Variants in VPS13D observed in about 807,000 individuals in gnomAD.
VPS13D encodes the protein intermembrane lipid transfer protein VPS13D.
VPS13D carries 187 observed loss-of-function variants against 461.9 expected under a neutral mutation model. The ratio of observed to expected loss-of-function variants is 0.40; its 90% CI spans 0.36 to 0.46. The LOEUF (loss-of-function observed/expected upper bound fraction) is 0.46. VPS13D is among the 20% of genes least tolerant of loss of function. The pLI is 0.60. For synonymous variants in VPS13D, 1,951 were observed against 1,986.3 expected, an observed-to-expected ratio of 0.98 and a Z score of 0.47; for missense variants, 4,711 against 5,364.9, an observed-to-expected ratio of 0.88 and a Z score of 3.81.
In VPS13D at chr1:12,278,126, A is replaced by G. The variant is rs1026566358; in HGVS notation, c.4450+88A>G. On this transcript the variant is annotated intron_variant, in intron 19 of 69. Transcript: ENST00000620676. ...CTTTGCGTAAAACAGCAACAATAAA[A>G]TCCTTTTCTTTTAGAATAATCCTCA... The G allele has an allele frequency of 3.0e-6, 4 of 1,354,334 alleles. No homozygotes were observed. In the African/African-American group the frequency reaches 4.4e-5, roughly 15 times the overall value. The allele number at this position is 1,354,334 out of a possible 1,614,324, so 83.9% of individuals were successfully genotyped here. A position where few individuals can be genotyped will look rare whatever the true frequency, so the allele number is the denominator to read the frequency against.
chr1:12,312,350 C>G (rs1642776412), intron 29 of VPS13D, among the ~76,000 whole-genome samples: 1 of 152,140 alleles, frequency 6.6e-6, no homozygotes, highest in African/African-American at 2.4e-5. Flanking sequence ...AAATATGGTC[C>G]CACACAGGGT....
intron 39 of VPS13D, chr1:12,337,206 C>T (rs1326202878): frequency 6.6e-6 from 1 of 152,046 alleles, no homozygotes; most frequent in East Asian, 1.9e-4. Context: ...TGTAATCTAT[C>T]TTTTTAATAA....
At chr1:12,464,609 C>G (rs1645456200) in intron 67 of VPS13D, among the ~76,000 whole-genome samples, 1 of 151,890 alleles carries the variant, frequency 6.6e-6, no homozygotes, top group Non-Finnish European at 1.5e-5. Context: ...AAAATACTTC[C>G]AAGTTCCTCT....
rs1237523028 is a variant in VPS13D, at chr1:12,321,808, G to A, written c.7549-1G>A. The A allele has an allele frequency of 6.3e-7, 1 of 1,599,188 alleles. No homozygotes were observed. The highest frequency in any genetic ancestry group is 8.5e-7 in the Non-Finnish European group (1 of 1,175,644). ...TCGCCATATTGCATTTCATTCTGTA[G>A]GTGTTTTCATGCCGACTAGGGAATG... is the stretch of plus-strand genomic sequence containing the variant. On this transcript the variant is annotated splice_acceptor_variant, in intron 32 of 69. Coordinates refer to ENST00000620676, the MANE Select transcript of VPS13D (RefSeq NM_015378.4). LOFTEE classifies it high-confidence loss of function.
intron 67 of VPS13D, among the ~76,000 whole-genome samples, chr1:12,479,161 C>G (rs772709460): frequency 6.6e-6 from 1 of 152,206 alleles, no homozygotes; most frequent in Non-Finnish European, 1.5e-5. Context: ...TGGGTTCTTA[C>G]AGTGGGCACT....
Position 12,278,053 on chromosome 1 carries a change from T to G in VPS13D, c.4450+15T>G. On this transcript the variant is annotated intron_variant, in intron 19 of 69. Coordinates refer to ENST00000620676, the MANE Select transcript of VPS13D (RefSeq NM_015378.4). ...TAGAGGTCAAGGTGAGGAGCATCAG[T>G]CTTTTGTTCTATTTTGTTTAATGAT... is the stretch of plus-strand genomic sequence containing the variant. 1 of 1,588,274 alleles carries G rather than the reference T, an allele frequency of 6.3e-7. No individual in the cohort carries two copies. The highest frequency in any genetic ancestry group is 8.6e-7 in the Non-Finnish European group (1 of 1,168,692).
chr1:12,295,602 A>C (rs1642253771), intron 24 of VPS13D, among the ~76,000 whole-genome samples: 1 of 152,142 alleles, frequency 6.6e-6, no homozygotes. Context: ...TTTTCTATAC[A>C]TTTTTCTCTG....
intron 27 of VPS13D, among the ~76,000 whole-genome samples, chr1:12,310,806 TC>T (rs1642718917): frequency 1.2e-5 from 1 of 82,810 alleles, no homozygotes; most frequent in Non-Finnish European, 2.4e-5. Flanking sequence ...CCTCCCTCCC[TC>T]CCTCCCTCCC....
chr1:12,409,314 T>C (rs1361877153), intron 63 of VPS13D, among the ~76,000 whole-genome samples: 1 of 152,206 alleles, frequency 6.6e-6, no homozygotes, highest in Admixed American at 6.5e-5. Context: ...AATTTCACCC[T>C]TTCTTCCATT....
chr1:12,306,928 A>G (rs182546882), intron 26 of VPS13D, among the ~76,000 whole-genome samples: 1 of 152,344 alleles, frequency 6.6e-6, no homozygotes, highest in East Asian at 1.9e-4. Flanking sequence ...GGCAGAGCTC[A>G]GGTGGTAATG....
rs752616813 is a variant in VPS13D at position 12,353,970 on chromosome 1, A to T, written c.9432-4A>T. The T allele has an allele frequency of 2.5e-6, 4 of 1,612,658 alleles. No homozygotes were observed. The highest frequency in any genetic ancestry group is 2.7e-5 in the African/African-American group (2 of 74,874). ...ATGATTTTTACACCATTTTATCTTC[A>T]TAGGTTTTGTGTGGCTATAAAGAAA... On this transcript the variant is annotated splice_polypyrimidine_tract_variant and splice_region_variant and intron_variant, in intron 46 of 69. Coordinates refer to ENST00000620676, the MANE Select transcript of VPS13D (RefSeq NM_015378.4).
In VPS13D at chr1:12,403,922, T is replaced by G. The variant is rs948718314; in HGVS notation, c.11979T>G (p.Pro3993=). The change falls in exon 63 of 70, where the codon CCT becomes CCG. Residue 3993 remains proline (P), a synonymous_variant. Coordinates refer to ENST00000620676, the MANE Select transcript of VPS13D (RefSeq NM_015378.4). ...TTGAAAATCTCAAAATCAGCATTCC[T>G]CAGATCAAGCTAAGTGTGTTCACCT... ...YYFENLKISI[P]QIKLSVFTSN... is the part of the protein sequence containing the mutation. The G allele has an allele frequency of 6.2e-7, 1 of 1,613,714 alleles. No homozygotes were observed. The highest frequency in any genetic ancestry group is 8.5e-7 in the Non-Finnish European group (1 of 1,179,930).
intron 63 of VPS13D, 90 bp downstream of exon 63, chr1:12,404,063 G>A (rs1330428394): frequency 1.7e-6 from 2 of 1,182,362 alleles, no homozygotes; most frequent in Non-Finnish European, 1.1e-6. Context: ...TGTTGTGTGT[G>A]TGTGTGCTTT....
At chr1:12,470,760 T>G (rs566183208) in intron 67 of VPS13D, among the ~76,000 whole-genome samples, 71 of 152,358 alleles carry the variant, frequency 4.7e-4, no homozygotes, top group African/African-American at 1.7e-3. Flanking sequence ...AAGAACTCAT[T>G]TTTTAGTGAT....
intron 57 of VPS13D, 135 bp from the exon 58 acceptor site, chr1:12,382,841 A>T (rs552517679): frequency 1.2e-5 from 9 of 726,916 alleles, no homozygotes; most frequent in Non-Finnish European, 2.0e-5. Flanking sequence ...ACAAATAGTA[A>T]AGGCTTTGTT....
chr1:12,386,123 C>G, intron 59 of VPS13D, 62 bp from the exon 60 acceptor site: 1 of 1,540,250 alleles, frequency 6.5e-7, no homozygotes, highest in Non-Finnish European at 8.7e-7. Context: ...TTCTTATACT[C>G]TCCTGGATAC....
intron 65 of VPS13D, among the ~76,000 whole-genome samples, chr1:12,419,299 T>G (rs1644832823): frequency 6.6e-6 from 1 of 152,228 alleles, no homozygotes; most frequent in Non-Finnish European, 1.5e-5. Context: ...TATAGTTGTC[T>G]TGCCTTTAAT....
intron 67 of VPS13D, among the ~76,000 whole-genome samples, chr1:12,477,598 T>TTTAA (rs1241414179): frequency 2.0e-5 from 3 of 152,142 alleles, no homozygotes; most frequent in African/African-American, 7.2e-5. Context: ...GAGCTGCTTG[T>TTTAA]TTAACACTTT....
At chr1:12,285,249 G>A (rs1641925453) in intron 21 of VPS13D, among the ~76,000 whole-genome samples, 1 of 150,748 alleles carries the variant, frequency 6.6e-6, no homozygotes, top group African/African-American at 2.4e-5. Context: ...CTTCTTTGCT[G>A]AAGTATTTTA....
Sources: allele counts gnomAD v4.1 joint callset (sites outside exome capture counted in the v4.1 genomes callset), GRCh38; gene constraint gnomAD v4.1.1; transcripts MANE v1.5; gene names NCBI Gene and HGNC (gene_info 2026-07-23, HGNC 2026-07-21).